RGL1: variants seen among roughly 807,000 people sequenced by gnomAD.
RGL1 encodes ral guanine nucleotide dissociation stimulator like 1.
A neutral mutation model predicts 95.2 loss-of-function variants in RGL1; 24 were observed. The observed-to-expected ratio is 0.25, with a 90% CI of 0.18 to 0.35. The LOEUF is 0.35. Ranked by LOEUF, RGL1 falls within the 10% of genes least tolerant of loss-of-function variation. RGL1 has a pLI of 1.00. For synonymous variants in RGL1, 329 were observed against 344.9 expected (o/e 0.95, Z 0.51); for missense variants, 715 against 936.3 (o/e 0.76, Z 3.08).
intron 2 of RGL1, among the ~76,000 whole-genome samples, chr1:183,829,072 T>G (rs1663080390): frequency 6.6e-6 from 1 of 152,204 alleles, no homozygotes; most frequent in Admixed American, 6.5e-5. Flanking sequence ...TGCACCTTCT[T>G]CAGTTACAGG....
chr1:183,643,975 G>T (rs112486901), intron 1 of RGL1, among the ~76,000 whole-genome samples: 71 of 152,196 alleles, frequency 4.7e-4, no homozygotes, highest in African/African-American at 1.4e-3. Context: ...ACAGGGGAGT[G>T]GGGGAGGGCC....
At chr1:183,747,871 C>G (rs186519412) in intron 2 of RGL1, among the ~76,000 whole-genome samples, 2 of 152,292 alleles carry the variant, frequency 1.3e-5, no homozygotes, top group East Asian at 3.9e-4. Flanking sequence ...GGAGGAGTCC[C>G]TCTTTTTCTA....
At chr1:183,900,057 T>C in intron 10 of RGL1, 93 bp from the exon 11 acceptor site, 1 of 957,120 alleles carries the variant, frequency 1.0e-6, no homozygotes. Flanking sequence ...CAGTTAGGCC[T>C]TGAATACATC....
At chr1:183,720,484 G>A (rs1343131986) in intron 1 of RGL1, among the ~76,000 whole-genome samples, 1 of 152,192 alleles carries the variant, frequency 6.6e-6, no homozygotes, top group East Asian at 1.9e-4. Flanking sequence ...AACTGACCCA[G>A]CGGTGCTGCC....
intron 8 of RGL1, among the ~76,000 whole-genome samples, chr1:183,889,006 C>T (rs1426838842): frequency 1.3e-5 from 2 of 152,092 alleles, no homozygotes; most frequent in Non-Finnish European, 2.9e-5. Context: ...TTTAGTTGTC[C>T]TTTTAGTTTC....
intron 2 of RGL1, among the ~76,000 whole-genome samples, chr1:183,743,705 C>A (rs1331662810): frequency 6.6e-6 from 1 of 152,194 alleles, no homozygotes; most frequent in African/African-American, 2.4e-5. Context: ...AGCACACATT[C>A]TCCTTGTAGG....
chr1:183,895,312 CA>C (rs1440664647), intron 9 of RGL1, among the ~76,000 whole-genome samples: 1 of 151,958 alleles, frequency 6.6e-6, no homozygotes, highest in Admixed American at 6.6e-5. Flanking sequence ...CCAAGAACAG[CA>C]TGGATGAGGG....
intron 1 of RGL1, 118 bp from the exon 2 acceptor site, chr1:183,806,257 G>C (rs1558217450): frequency 4.5e-6 from 3 of 672,974 alleles, no homozygotes; most frequent in African/African-American, 1.8e-5. Flanking sequence ...TATTTATTTT[G>C]AACAGCCCAT....
chr1:183,784,081 T>C (rs1237737378), intron 2 of RGL1, among the ~76,000 whole-genome samples: 3 of 152,170 alleles, frequency 2.0e-5, no homozygotes, highest in Non-Finnish European at 4.4e-5. Flanking sequence ...AGATAATTGT[T>C]AGAAATAGCC....
chr1:183,733,137 A>G (rs543598301), intron 1 of RGL1, among the ~76,000 whole-genome samples: 3 of 152,182 alleles, frequency 2.0e-5, no homozygotes, highest in African/African-American at 7.2e-5. Context: ...TTTTTTTTTA[A>G]TGTTGGAGTG....
Position 183,693,046 on chromosome 1 carries a change from C to T in RGL1, c.-32-49080C>T, listed in dbSNP as rs191736059. ...CTCAGCTCACTGCAACCTCTGCCTC[C>T]GAGGTTCAAGCAATTCTTCTGCCCC... On this transcript the variant is annotated intron_variant, in intron 1 of 18. Transcript: ENST00000304685. 4.3e-4 allele frequency among the ~76,000 whole-genome samples: 65 copies of T among 151,964 alleles called. 1 individual carries two copies. The East Asian group carries it at 7.7e-3, about 18-fold the overall frequency.
At chr1:183,853,498 C>A (rs988598457) in intron 3 of RGL1, among the ~76,000 whole-genome samples, 1 of 152,144 alleles carries the variant, frequency 6.6e-6, no homozygotes, top group Admixed American at 6.5e-5. Context: ...GGAGGACATT[C>A]GGGGTTTTTA....
intron 1 of RGL1, among the ~76,000 whole-genome samples, chr1:183,666,003 T>C (rs1243036554): frequency 9.3e-5 from 14 of 149,740 alleles, no homozygotes; most frequent in Admixed American, 9.2e-4. Flanking sequence ...TCTTCTTTTT[T>C]TCTTTTTTTT....
chr1:183,764,131 C>T (rs966140232), intron 2 of RGL1, among the ~76,000 whole-genome samples: 4 of 152,210 alleles, frequency 2.6e-5, no homozygotes, highest in African/African-American at 9.6e-5. Flanking sequence ...ATTATTACCA[C>T]AACACCAGGA....
chr1:183,826,735 T>TTTTGATGTAA (rs1410232869), intron 2 of RGL1, among the ~76,000 whole-genome samples: 1 of 152,180 alleles, frequency 6.6e-6, no homozygotes, highest in East Asian at 1.9e-4. Context: ...TAAACTGTGC[T>TTTTGATGTAA]CCGGATGTTC....
intron 2 of RGL1, among the ~76,000 whole-genome samples, chr1:183,792,715 C>CA (rs1192492162): frequency 1.3e-5 from 2 of 151,846 alleles, no homozygotes; most frequent in East Asian, 1.9e-4. Context: ...ATGATAGCTA[C>CA]AAAAAATACC....
chr1:183,918,479 G>A (rs1669120845), intron 16 of RGL1, among the ~76,000 whole-genome samples: 1 of 152,230 alleles, frequency 6.6e-6, no homozygotes, highest in South Asian at 2.1e-4. Flanking sequence ...ACTCTACAGT[G>A]TCTCTGAATT....
chr1:183,855,573 C>T (rs191310861), intron 3 of RGL1, among the ~76,000 whole-genome samples: 12 of 152,278 alleles, frequency 7.9e-5, no homozygotes, highest in African/African-American at 2.4e-4. Context: ...AATATCTTTC[C>T]TCTCCTCTTC....
chr1:183,679,827 C>T, intron 1 of RGL1, among the ~76,000 whole-genome samples: 1 of 152,200 alleles, frequency 6.6e-6, no homozygotes, highest in South Asian at 2.1e-4. Flanking sequence ...TTTACACTCT[C>T]ACTAACAGTG....
Sources: gnomAD v4.1 joint callset for allele counts (sites outside exome capture counted in the v4.1 genomes callset) on GRCh38, gnomAD v4.1.1 for gene constraint, MANE v1.5 for transcripts, NCBI Gene and HGNC (gene_info 2026-07-23, HGNC 2026-07-21) for gene names.